TBC1D1: variants seen among roughly 807,000 people sequenced by gnomAD.
The protein encoded by TBC1D1 is TBC1 (tre-2/USP6, BUB2, cdc16) domain family, member 1.
TBC1D1 carries 89 observed loss-of-function variants against 125.6 expected under a neutral mutation model. The ratio of observed to expected loss-of-function variants is 0.71; its 90% CI spans 0.60 to 0.85. TBC1D1 has a LOEUF of 0.85. Ranked by LOEUF, TBC1D1 falls within the 40% of genes least tolerant of loss-of-function variation. The probability of loss-of-function intolerance (pLI) is 0.00; values close to 1 mark genes in which losing one functional copy is unlikely to be tolerated. For missense variants in TBC1D1, 1,377 were observed against 1,469.2 expected (o/e 0.94, Z 1.03); for synonymous variants, 565 against 564.1 (o/e 1.00, Z -0.02).
At chr4:38,101,400 C>G (rs1200322339) in intron 14 of TBC1D1, among the ~76,000 whole-genome samples, 1 of 152,196 alleles carries the variant, frequency 6.6e-6, no homozygotes, top group East Asian at 1.9e-4. Context: ...CTTGTAATAG[C>G]TGAGTAATGA....
chr4:38,129,802 G>A (rs1203842234), intron 18 of TBC1D1, among the ~76,000 whole-genome samples: 1 of 152,140 alleles, frequency 6.6e-6, no homozygotes, highest in Non-Finnish European at 1.5e-5. Context: ...TTAAACTTAT[G>A]TAACATATAA....
intron 6 of TBC1D1, 37 bp from the exon 7 acceptor site, chr4:38,027,751 T>C (rs1196457207): frequency 1.4e-6 from 2 of 1,473,146 alleles, no homozygotes; most frequent in African/African-American, 1.4e-5. Context: ...AACTTTTATA[T>C]AGAATTTTTT....
At position 37,977,200 on chromosome 4, in the gene TBC1D1, A is replaced by T. The variant is rs1224759247; in HGVS notation, c.418-37309A>T. ...TGTCCCAACTTCCCGCCAGCAGCGG[A>T]GCGCGGGGGTGGGCGGGGTCGGCTG... On this transcript the variant is annotated intron_variant, in intron 2 of 19. Transcript: ENST00000261439. This position sits in a 1 kb window ranked among gnomAD's most constrained non-coding sequence, Gnocchi z 4.3. 1 of 151,946 alleles carries T rather than the reference A, an allele frequency of 6.6e-6. No homozygotes were observed. Among genetic ancestry groups the T allele is most frequent in the African/African-American group, 2.4e-5 (1 of 41,354 alleles). 9.4% of individuals were successfully genotyped at this position (151,946 alleles called of 1,614,324 possible). A position where few individuals can be genotyped will look rare whatever the true frequency, so the allele number is the denominator to read the frequency against.
chr4:37,971,775 C>G (rs912144833), intron 2 of TBC1D1, among the ~76,000 whole-genome samples: 4 of 152,178 alleles, frequency 2.6e-5, no homozygotes, highest in African/African-American at 9.7e-5. Flanking sequence ...TATTTCTAAG[C>G]TTTAAGTAAA....
chr4:38,071,425 A>T (rs1754685344), intron 12 of TBC1D1, among the ~76,000 whole-genome samples: 1 of 152,216 alleles, frequency 6.6e-6, no homozygotes, highest in Admixed American at 6.5e-5. Flanking sequence ...TCATTTTTAT[A>T]TCTCTTTTTC....
chr4:37,948,488 G>A (rs1248971934), intron 2 of TBC1D1, among the ~76,000 whole-genome samples: 5 of 152,058 alleles, frequency 3.3e-5, no homozygotes, highest in African/African-American at 4.8e-5. Context: ...TTTGCTGAGC[G>A]TGGTGGCGCA....
chr4:38,074,754 GTCTC>G (rs1232067646), intron 12 of TBC1D1, among the ~76,000 whole-genome samples: 3 of 146,670 alleles, frequency 2.0e-5, no homozygotes, highest in Admixed American at 6.9e-5. Context: ...GACTTTCTTA[GTCTC>G]TCTCTCTTTT....
chr4:38,014,973 G>A lies in TBC1D1; in HGVS notation c.882G>A (p.Thr294=). ...AGGAAAATCGAACTATGCTCTTCAC[G>A]GTAAAATATCACCCAGCTCGTGCAC... Residue 294 remains threonine, a splice_region_variant and synonymous_variant, in exon 3 of 20, where the codon ACG becomes ACA. Coordinates refer to ENST00000261439, the MANE Select transcript of TBC1D1 (RefSeq NM_015173.4). The surrounding 1 kb of genome is among the most constrained non-coding windows in gnomAD (Gnocchi z 5.1). 6.5e-7 allele frequency: 1 copy of A among 1,528,250 alleles called. No individual in the cohort carries two copies. The allele number at this position is 1,528,250 out of a possible 1,614,324, so 94.7% of individuals were successfully genotyped here. A position where few individuals can be genotyped will look rare whatever the true frequency, so the allele number is the denominator to read the frequency against.
chr4:37,917,693 C>T (rs1479650745), intron 2 of TBC1D1, among the ~76,000 whole-genome samples: 1 of 152,102 alleles, frequency 6.6e-6, no homozygotes, highest in Non-Finnish European at 1.5e-5. Context: ...TTCTCTTTCC[C>T]CATGAGAAGG....
At chr4:37,891,501 G>A (rs1009790968) in intron 1 of TBC1D1, among the ~76,000 whole-genome samples, 153 bp downstream of exon 1, 2 of 151,662 alleles carry the variant, frequency 1.3e-5, no homozygotes, top group African/African-American at 4.8e-5. Flanking sequence ...GTCTCTCGGG[G>A]GAGGAAGTTC....
intron 2 of TBC1D1, among the ~76,000 whole-genome samples, chr4:37,953,348 G>C (rs35685573): frequency 3.9e-5 from 6 of 152,108 alleles, no homozygotes; most frequent in African/African-American, 1.4e-4. Context: ...TATTAAAAAC[G>C]TTTTCAAAGT....
intron 18 of TBC1D1, 42 bp downstream of exon 20, chr4:38,125,173 A>G (rs945298172): frequency 2.5e-6 from 4 of 1,584,872 alleles, no homozygotes; most frequent in Non-Finnish European, 2.6e-6. Flanking sequence ...AAGCCATCCT[A>G]GATATGTAGA....
chr4:38,105,679 G>A (rs1761177945), intron 15 of TBC1D1, among the ~76,000 whole-genome samples: 2 of 152,168 alleles, frequency 1.3e-5, no homozygotes, highest in African/African-American at 4.8e-5. Context: ...TTCTAAGTGA[G>A]AACATGTGAT....
rs75228516 is a variant in TBC1D1, at chr4:37,935,991, C to G, written c.417+33479C>G. On this transcript the variant is annotated intron_variant, in intron 2 of 19. Coordinates refer to ENST00000261439, the MANE Select transcript of TBC1D1 (RefSeq NM_015173.4). ...GATCTCAGCTTACACATCACTTCCC[C>G]CAGGAGGCCTTCTCTGGCCCTTCCT... Among the ~76,000 whole-genome samples the G allele has an allele frequency of 4.3e-3, 661 of 152,264 alleles. 6 individuals carry two copies. Among genetic ancestry groups the G allele is most frequent in the African/African-American group, 0.015 (626 of 41,560 alleles).
At chr4:37,918,631 A>G (rs1720233013) in intron 2 of TBC1D1, among the ~76,000 whole-genome samples, 1 of 152,096 alleles carries the variant, frequency 6.6e-6, no homozygotes, top group South Asian at 2.1e-4. Flanking sequence ...TATTTTTAGT[A>G]GAGATGGGTT....
At chr4:38,031,379 A>G (rs191246572) in intron 7 of TBC1D1, among the ~76,000 whole-genome samples, 96 of 152,348 alleles carry the variant, frequency 6.3e-4, no homozygotes, top group African/African-American at 1.9e-3. Context: ...TCTGAAGAAT[A>G]TATATCAGCT....
At chr4:38,046,192 C>T (rs961402103) in intron 10 of TBC1D1, among the ~76,000 whole-genome samples, 2 of 152,110 alleles carry the variant, frequency 1.3e-5, no homozygotes, top group South Asian at 2.1e-4. Context: ...AGTGAAACCC[C>T]GTCTCTACTA....
At chr4:38,021,220 G>A (rs1001806670) in intron 5 of TBC1D1, among the ~76,000 whole-genome samples, 3 of 152,274 alleles carry the variant, frequency 2.0e-5, no homozygotes, top group South Asian at 2.1e-4. Flanking sequence ...ATCAGATCTC[G>A]TGAGATTTAT....
At chr4:38,052,703 TACACACACAC>T (rs1750862719) in intron 11 of TBC1D1, among the ~76,000 whole-genome samples, 1 of 128,214 alleles carries the variant, frequency 7.8e-6, no homozygotes, top group Non-Finnish European at 1.6e-5. Context: ...CATGCGTATA[TACACACACAC>T]GCGCGCGCGC....
Sources: gnomAD v4.1 joint callset for allele counts (sites outside exome capture counted in the v4.1 genomes callset) on GRCh38, gnomAD v4.1.1 for gene constraint, Gnocchi (gnomAD v3.1) non-coding constraint, MANE v1.5 for transcripts, NCBI Gene and HGNC (gene_info 2026-07-23, HGNC 2026-07-21) for gene names.